The following ARHGAP10 variants were observed in gnomAD, a reference collection of about 807,000 sequenced individuals.
ARHGAP10 encodes the protein rho GTPase-activating protein 10.
ARHGAP10 carries 87 observed loss-of-function variants against 108.6 expected under a neutral mutation model. The ratio of observed to expected loss-of-function variants is 0.80; its 90% CI spans 0.67 to 0.96. The LOEUF (loss-of-function observed/expected upper bound fraction) is 0.96. ARHGAP10 is among the 40% of genes least tolerant of loss of function. The probability of loss-of-function intolerance (pLI) is 0.00; values close to 1 mark genes in which losing one functional copy is unlikely to be tolerated. For synonymous variants in ARHGAP10, 347 were observed against 341.1 expected (o/e 1.02, Z -0.19); for missense variants, 939 against 954.5 (o/e 0.98, Z 0.21).
intron 18 of ARHGAP10, among the ~76,000 whole-genome samples, chr4:148,011,128 A>G (rs1211304993): frequency 6.6e-6 from 1 of 152,212 alleles, no homozygotes; most frequent in Non-Finnish European, 1.5e-5. Context: ...GTGCATCACA[A>G]CAAGAGGCAC....
chr4:147,945,196 A>T (rs572928405), intron 14 of ARHGAP10, among the ~76,000 whole-genome samples: 26 of 151,406 alleles, frequency 1.7e-4, no homozygotes, highest in Non-Finnish European at 2.5e-4. Flanking sequence ...AAGCCATCAT[A>T]CTCCTTAGGG....
chr4:147,985,818 GAAACAAA>G (rs1740023488), intron 18 of ARHGAP10, among the ~76,000 whole-genome samples: 1 of 152,216 alleles, frequency 6.6e-6, no homozygotes, highest in Non-Finnish European at 1.5e-5. Context: ...AGGCTGAAGA[GAAACAAA>G]GTGCTCTCCC....
At chr4:148,003,081 G>T (rs1032761527) in intron 18 of ARHGAP10, among the ~76,000 whole-genome samples, 16 of 152,114 alleles carry the variant, frequency 1.1e-4, no homozygotes, top group East Asian at 1.9e-4. Context: ...TACACACTGC[G>T]TTAAATGTGT....
rs1471945487 is a variant in ARHGAP10 at position 148,064,438 on chromosome 4, G to T, written c.2203G>T (p.Ala735Ser). The T allele has an allele frequency of 6.2e-7, 1 of 1,614,058 alleles. No individual in the cohort carries two copies. Among genetic ancestry groups the T allele is most frequent in the Middle Eastern group, 1.7e-4 (1 of 6,060 alleles). Residue 735 changes from alanine (A) to serine (S), a missense_variant, in exon 22 of 23, where the codon GCC becomes TCC. Ala to Ser is a moderately conservative substitution (Grantham distance 99, BLOSUM62 1). Transcript: ENST00000336498. ...CAGCATCCGCAGTCGGAAGGCTCGA[G>T]CCGTGTATCCGTGTGAAGCAGAACA... is the stretch of plus-strand genomic sequence containing the variant. ...PESIRSRKARAVYPCEAEHSS... is the reference protein window; with the variant it reads ...PESIRSRKARSVYPCEAEHSS...
chr4:147,733,695 G>C (rs1200330542), intron 1 of ARHGAP10, among the ~76,000 whole-genome samples: 1 of 152,122 alleles, frequency 6.6e-6, no homozygotes, highest in African/African-American at 2.4e-5. Context: ...CATGGTGCCT[G>C]GTACAGTAAA....
chr4:147,784,829 T>TG, intron 1 of ARHGAP10, among the ~76,000 whole-genome samples: 1 of 28,052 alleles, frequency 3.6e-5, no homozygotes, highest in Non-Finnish European at 1.4e-4. Context: ...ATATATATTA[T>TG]AAATATATTA....
At chr4:147,880,361 C>T (rs1735273937) in intron 9 of ARHGAP10, among the ~76,000 whole-genome samples, 1 of 152,154 alleles carries the variant, frequency 6.6e-6, no homozygotes. Context: ...TTAATAAAAA[C>T]ACATTTATAT....
chr4:147,901,260 A>T (rs1351861918), intron 10 of ARHGAP10, among the ~76,000 whole-genome samples: 1 of 152,244 alleles, frequency 6.6e-6, no homozygotes, highest in Non-Finnish European at 1.5e-5. Flanking sequence ...CTACACTAAT[A>T]CTTTAGAGGC....
intron 1 of ARHGAP10, among the ~76,000 whole-genome samples, chr4:147,796,022 T>A (rs1283867646): frequency 6.6e-6 from 1 of 152,116 alleles, no homozygotes; most frequent in Non-Finnish European, 1.5e-5. Context: ...CAATATTATG[T>A]TTTTTTGCTT....
intron 1 of ARHGAP10, among the ~76,000 whole-genome samples, chr4:147,799,906 T>G (rs780759390): frequency 6.6e-6 from 1 of 152,164 alleles, no homozygotes; most frequent in Non-Finnish European, 1.5e-5. Flanking sequence ...TGCCTATCTT[T>G]TTTTTGGGGG....
intron 16 of ARHGAP10, among the ~76,000 whole-genome samples, chr4:147,962,408 C>T (rs1288218503): frequency 6.6e-6 from 1 of 152,226 alleles, no homozygotes; most frequent in Non-Finnish European, 1.5e-5. Context: ...ATGTATGTTA[C>T]AGCATTGAAT....
intron 18 of ARHGAP10, among the ~76,000 whole-genome samples, chr4:147,993,240 G>A (rs1368692740): frequency 2.6e-5 from 4 of 152,084 alleles, no homozygotes; most frequent in Non-Finnish European, 5.9e-5. Flanking sequence ...CCTAATCATT[G>A]GAAGCTCTAA....
chr4:147,777,627 G>A (rs72955506), intron 1 of ARHGAP10, among the ~76,000 whole-genome samples: 3,974 of 152,088 alleles, frequency 0.026, 175 homozygotes, highest in African/African-American at 0.091. Context: ...CCTGTCAGAC[G>A]GTCAGATCTC....
At chr4:147,943,130 G>A (rs913069908) in intron 14 of ARHGAP10, among the ~76,000 whole-genome samples, 4 of 152,202 alleles carry the variant, frequency 2.6e-5, no homozygotes, top group African/African-American at 9.6e-5. Context: ...ATACGAGGTA[G>A]AATTGTTATA....
At chr4:147,892,661 G>A (rs1282277886) in intron 10 of ARHGAP10, among the ~76,000 whole-genome samples, 1 of 152,092 alleles carries the variant, frequency 6.6e-6, no homozygotes, top group Non-Finnish European at 1.5e-5. Flanking sequence ...TGAAGATGAG[G>A]TAACCAGTTT....
chr4:147,927,043 A>G (rs953709750), intron 13 of ARHGAP10, among the ~76,000 whole-genome samples: 43 of 152,322 alleles, frequency 2.8e-4, no homozygotes, highest in African/African-American at 1.0e-3. Context: ...AGAGCAGTAT[A>G]CTACAACTTG....
intron 18 of ARHGAP10, among the ~76,000 whole-genome samples, chr4:148,010,039 A>G (rs1479562645): frequency 6.6e-6 from 1 of 152,198 alleles, no homozygotes; most frequent in Admixed American, 6.5e-5. Flanking sequence ...TCAAAACTTA[A>G]TAGATGTCTG....
intron 1 of ARHGAP10, among the ~76,000 whole-genome samples, chr4:147,789,126 G>T (rs1400539811): frequency 6.6e-6 from 1 of 152,210 alleles, no homozygotes; most frequent in Non-Finnish European, 1.5e-5. Context: ...ACTGGGGAAG[G>T]AGGCTATTTT....
At chr4:148,069,746 C>A (rs1730072991) in intron 22 of ARHGAP10, among the ~76,000 whole-genome samples, 1 of 152,158 alleles carries the variant, frequency 6.6e-6, no homozygotes, top group Non-Finnish European at 1.5e-5. Context: ...GGGTTAATTT[C>A]CCAGATGCAT....
Sources: gnomAD v4.1 joint callset for allele counts (sites outside exome capture counted in the v4.1 genomes callset) on GRCh38, gnomAD v4.1.1 for gene constraint, MANE v1.5 for transcripts, NCBI Gene and HGNC (gene_info 2026-07-23, HGNC 2026-07-21) for gene names.